PTCHD4: variants seen among roughly 807,000 people sequenced by gnomAD.
PTCHD4 encodes patched domain containing 4, also known as patched domain-containing protein 4.
A neutral mutation model predicts 58.1 loss-of-function variants in PTCHD4; 33 were observed. The ratio of observed to expected loss-of-function variants is 0.57; its 90% CI spans 0.43 to 0.76. The LOEUF is 0.76. PTCHD4 is among the 30% of genes least tolerant of loss of function. The probability of loss-of-function intolerance (pLI) is 0.00; values close to 1 mark genes in which losing one functional copy is unlikely to be tolerated. For missense variants in PTCHD4, 1,058 were observed against 1,027.1 expected, an observed-to-expected ratio of 1.03 and a Z score of -0.41; for synonymous variants, 478 against 409.6, an observed-to-expected ratio of 1.17 and a Z score of -2.02.
intron 4 of PTCHD4, among the ~76,000 whole-genome samples, chr6:47,910,129 C>T (rs1765023895): frequency 6.6e-6 from 1 of 152,168 alleles, no homozygotes; most frequent in Non-Finnish European, 1.5e-5. Context: ...TCTGTCTCCT[C>T]TAGGACTTTC....
At chr6:48,098,024 C>G (rs961303790) in intron 1 of PTCHD4, among the ~76,000 whole-genome samples, 7 of 152,112 alleles carry the variant, frequency 4.6e-5, no homozygotes, top group African/African-American at 1.7e-4. Context: ...CATCACCTAC[C>G]TGTCAGGTCT....
chr6:48,057,170 G>GT, intron 3 of PTCHD4, among the ~76,000 whole-genome samples: 1 of 146,482 alleles, frequency 6.8e-6, no homozygotes, highest in Non-Finnish European at 1.5e-5. Context: ...TTCTGGCGGC[G>GT]GTTTTTTTTG....
Position 48,068,249 on chromosome 6 carries a change from C to T in PTCHD4, c.398G>A (p.Arg133Gln), listed in dbSNP as rs199911038. The T allele has an allele frequency of 2.4e-3, 3,839 of 1,579,750 alleles. 9 individuals are homozygous for T. Among genetic ancestry groups the T allele is most frequent in the Non-Finnish European group, 2.9e-3 (3,343 of 1,159,718 alleles). Residue 133 changes from arginine to glutamine, a missense_variant, in exon 3 of 5, where the codon CGA becomes CAA. Physicochemically the swap from Arg to Gln is conservative, Grantham distance 43 (BLOSUM62 1). Transcript: ENST00000339488. This position sits in a 1 kb window ranked among gnomAD's most constrained non-coding sequence, Gnocchi z 4.2. Reference sequence around the variant, plus strand: ...GTTCACCTTCATTTCCAGCACGGCTCGGTGGGTCTGCAGGATCCCCTCAGC... The same window carrying T: ...GTTCACCTTCATTTCCAGCACGGCTTGGTGGGTCTGCAGGATCCCCTCAGC... Reference protein sequence around the residue: ...LQAEGILQTHRAVLEMKDGRN... With the variant: ...LQAEGILQTHQAVLEMKDGRN...
At chr6:47,992,989 A>G (rs1768337797) in intron 4 of PTCHD4, among the ~76,000 whole-genome samples, 1 of 152,218 alleles carries the variant, frequency 6.6e-6, no homozygotes, top group Admixed American at 6.5e-5. Flanking sequence ...TGGACAGCAA[A>G]TTAGATAGAA....
At chr6:48,017,763 T>C (rs1762916332) in intron 3 of PTCHD4, among the ~76,000 whole-genome samples, 1 of 152,212 alleles carries the variant, frequency 6.6e-6, no homozygotes, top group South Asian at 2.1e-4. Flanking sequence ...GCCAATCACT[T>C]GATTCGTGTG....
At chr6:48,103,591 C>T (rs1281466625) in intron 1 of PTCHD4, among the ~76,000 whole-genome samples, 1 of 152,150 alleles carries the variant, frequency 6.6e-6, no homozygotes, top group African/African-American at 2.4e-5. Context: ...TGGAACAAAG[C>T]TGGATGGAGA....
intron 4 of PTCHD4, chr6:47,901,858 T>C: frequency 7.7e-7 from 1 of 1,301,608 alleles, no homozygotes; most frequent in Non-Finnish European, 1.0e-6. Flanking sequence ...CTCTCCAGTT[T>C]TTTCTCTCCT....
rs575171077 is a variant in PTCHD4, at chr6:47,878,239, C to T, written c.*64G>A. On this transcript the variant is annotated 3_prime_UTR_variant, in exon 5 of 5. Transcript: ENST00000339488. ...CCAGCCCAAGCAGCTGAGGTCTGAG[C>T]TTTACTTGCCCTGCATCATTGTGCA... 163 of 1,452,528 alleles carry T rather than the reference C, an allele frequency of 1.1e-4. No homozygotes were observed. The African/African-American group carries it at 2.2e-3, about 19-fold the overall frequency. The allele number at this position is 1,452,528 out of a possible 1,614,324, so 90.0% of individuals were successfully genotyped here.
Position 47,869,323 on chromosome 6 carries a change from G to A in PTCHD4, c.*8980C>T, listed in dbSNP as rs1251449223. Among the ~76,000 whole-genome samples the A allele has an allele frequency of 6.6e-6, 1 of 151,688 alleles. No individual in the cohort carries two copies. Among genetic ancestry groups the A allele is most frequent in the African/African-American group, 2.4e-5 (1 of 41,368 alleles). On this transcript the variant is annotated 3_prime_UTR_variant, in exon 5 of 5. Coordinates refer to ENST00000339488, the MANE Select transcript of PTCHD4 (RefSeq NM_001384253.1). Reference sequence around the variant, plus strand: ...GTGATTAATCTCTGGGTACTACTGAGGAGCCGCTGGCTCACTCATTGTCTC... The same window carrying A: ...GTGATTAATCTCTGGGTACTACTGAAGAGCCGCTGGCTCACTCATTGTCTC...
chr6:48,044,943 T>G (rs1763980489), intron 3 of PTCHD4, among the ~76,000 whole-genome samples: 2 of 151,840 alleles, frequency 1.3e-5, no homozygotes, highest in African/African-American at 4.8e-5. Context: ...ATCTTAGTGT[T>G]TCCACATCAA....
intron 4 of PTCHD4, among the ~76,000 whole-genome samples, chr6:47,926,828 A>T (rs1765638426): frequency 6.6e-6 from 1 of 152,232 alleles, no homozygotes; most frequent in African/African-American, 2.4e-5. Context: ...ATTAAAGGTT[A>T]TACTGTATAT....
chr6:48,019,256 T>G (rs1019971785), intron 3 of PTCHD4, among the ~76,000 whole-genome samples: 2 of 152,064 alleles, frequency 1.3e-5, no homozygotes, highest in African/African-American at 4.8e-5. Flanking sequence ...CAAGAAAGAT[T>G]CAGTGAGCAC....
intron 4 of PTCHD4, among the ~76,000 whole-genome samples, chr6:47,926,758 C>T (rs1436550666): frequency 1.3e-5 from 2 of 152,070 alleles, no homozygotes; most frequent in East Asian, 3.9e-4. Flanking sequence ...GGCAAATAGC[C>T]TCAGTTTTCT....
intron 1 of PTCHD4, among the ~76,000 whole-genome samples, chr6:48,090,613 T>C (rs1369506820): frequency 2.0e-5 from 3 of 152,162 alleles, no homozygotes; most frequent in Non-Finnish European, 4.4e-5. Flanking sequence ...GTAAAATAAC[T>C]GTTTCACGAG....
At chr6:47,959,885 A>T (rs1476424606) in intron 4 of PTCHD4, among the ~76,000 whole-genome samples, 1 of 151,946 alleles carries the variant, frequency 6.6e-6, no homozygotes, top group Non-Finnish European at 1.5e-5. Flanking sequence ...AAAAAGATGA[A>T]AATATCGTTC....
At chr6:48,081,180 G>GA (rs1765160779) in intron 1 of PTCHD4, among the ~76,000 whole-genome samples, 1 of 152,126 alleles carries the variant, frequency 6.6e-6, no homozygotes, top group Non-Finnish European at 1.5e-5. Flanking sequence ...GGTGTGAAAT[G>GA]AAAAAATTTG....
intron 4 of PTCHD4, among the ~76,000 whole-genome samples, chr6:47,993,703 A>T (rs1768366024): frequency 6.6e-6 from 1 of 152,186 alleles, no homozygotes; most frequent in African/African-American, 2.4e-5. Context: ...TTAGGCAATG[A>T]ATTAAAACAA....
In PTCHD4 at chr6:48,087,499, C is replaced by T. The variant is rs1765286237; in HGVS notation, c.-969-17573G>A. ...GATGTTAATTATACTAATTTACATT[C>T]ATGGGGCCCTTACTAAGAGACAGGA... On this transcript the variant is annotated intron_variant, in intron 1 of 4. Coordinates refer to ENST00000339488, the MANE Select transcript of PTCHD4 (RefSeq NM_001384253.1). 3.9e-5 allele frequency among the ~76,000 whole-genome samples: 6 copies of T among 152,138 alleles called. No individual in the cohort carries two copies. In the South Asian group the frequency reaches 1.0e-3, roughly 26 times the overall value.
chr6:48,084,068 A>G (rs1765216424), intron 1 of PTCHD4, among the ~76,000 whole-genome samples: 1 of 152,062 alleles, frequency 6.6e-6, no homozygotes. Context: ...ATGGGGTTCG[A>G]ATTTAGCGTT....
Sources: allele counts gnomAD v4.1 joint callset (sites outside exome capture counted in the v4.1 genomes callset), GRCh38; gene constraint gnomAD v4.1.1; non-coding constraint Gnocchi (gnomAD v3.1); transcripts MANE v1.5; gene names NCBI Gene and HGNC (gene_info 2026-07-23, HGNC 2026-07-21).